The following RSPO2 variants were observed in gnomAD, a reference collection of about 807,000 sequenced individuals.
RSPO2 encodes R-spondin-2.
RSPO2 carries 14 observed loss-of-function variants against 30.9 expected under a neutral mutation model. The ratio of observed to expected loss-of-function variants is 0.45; its 90% CI spans 0.30 to 0.71. The LOEUF (loss-of-function observed/expected upper bound fraction) is 0.71, where lower values mean the gene tolerates loss of function less well. RSPO2 is among the 30% of genes least tolerant of loss of function. The pLI is 0.08. For missense variants in RSPO2, 264 were observed against 301.9 expected, an observed-to-expected ratio of 0.87 and a Z score of 0.93; for synonymous variants, 107 against 96.4, an observed-to-expected ratio of 1.11 and a Z score of -0.64.
At chr8:108,060,759 A>G (rs1282748918) in intron 2 of RSPO2, among the ~76,000 whole-genome samples, 1 of 149,780 alleles carries the variant, frequency 6.7e-6, no homozygotes, top group Non-Finnish European at 1.5e-5. Flanking sequence ...GAAATGAAGG[A>G]AAAAATGTTA....
Position 108,063,281 on chromosome 8 carries a change from G to A in RSPO2, c.94+19264C>T, listed in dbSNP as rs201604044. Among the ~76,000 whole-genome samples the A allele has an allele frequency of 7.3e-5, 11 of 151,660 alleles. 2 individuals carry two copies. The highest frequency in any genetic ancestry group is 1.7e-4 in the African/African-American group (7 of 41,064). On this transcript the variant is annotated intron_variant, in intron 2 of 5. Coordinates refer to ENST00000276659, the MANE Select transcript of RSPO2 (RefSeq NM_178565.5). ...TGACATGATTGTATATCTAGAAAACGCCATCTTCTCAGCCCAAAATCTCCT... is the reference window on the plus strand; with the variant it reads ...TGACATGATTGTATATCTAGAAAACACCATCTTCTCAGCCCAAAATCTCCT...
intron 2 of RSPO2, among the ~76,000 whole-genome samples, chr8:108,010,837 C>G (rs905016430): frequency 1.3e-5 from 2 of 152,068 alleles, no homozygotes; most frequent in Non-Finnish European, 2.9e-5. Flanking sequence ...CATTCATTAA[C>G]AAGACACAAG....
At chr8:107,988,520 AC>A in intron 3 of RSPO2, among the ~76,000 whole-genome samples, 1 of 152,180 alleles carries the variant, frequency 6.6e-6, no homozygotes, top group Middle Eastern at 3.4e-3. Flanking sequence ...AAAACTACTT[AC>A]ATAATCTAAA....
At chr8:107,965,588 C>T (rs1389275147) in intron 3 of RSPO2, among the ~76,000 whole-genome samples, 2 of 151,868 alleles carry the variant, frequency 1.3e-5, no homozygotes, top group Non-Finnish European at 2.9e-5. Context: ...AGAGGCATGT[C>T]TTGGGTACAT....
chr8:108,052,329 A>G (rs1331770075), intron 2 of RSPO2, among the ~76,000 whole-genome samples: 3 of 152,188 alleles, frequency 2.0e-5, no homozygotes, highest in Non-Finnish European at 4.4e-5. Context: ...GAGAAACTCA[A>G]ACTTACCTAT....
chr8:107,980,226 A>C (rs757601466), intron 3 of RSPO2, among the ~76,000 whole-genome samples: 49 of 148,888 alleles, frequency 3.3e-4, no homozygotes, highest in Middle Eastern at 3.5e-3. Flanking sequence ...ATTCCATTCC[A>C]TTTTTTTTTT....
At chr8:108,049,746 T>A (rs977354367) in intron 2 of RSPO2, among the ~76,000 whole-genome samples, 3 of 152,304 alleles carry the variant, frequency 2.0e-5, no homozygotes, top group Non-Finnish European at 4.4e-5. Context: ...TTCTTTTTTA[T>A]GGCTACATAG....
At chr8:108,070,892 A>G (rs1812825391) in intron 2 of RSPO2, among the ~76,000 whole-genome samples, 1 of 152,308 alleles carries the variant, frequency 6.6e-6, no homozygotes, top group African/African-American at 2.4e-5. Context: ...CCTCTTCATA[A>G]AATACTTTTT....
In RSPO2 at chr8:108,082,797, C is replaced by G. The variant is rs187852025; in HGVS notation, c.-159G>C. 1.7e-3 allele frequency: 1,006 copies of G among 581,864 alleles called. 11 individuals carry two copies. The highest frequency in any genetic ancestry group is 0.017 in the African/African-American group (901 of 52,868). The allele number at this position is 581,864 out of a possible 1,614,324, so 36.0% of individuals were successfully genotyped here. A position where few individuals can be genotyped will look rare whatever the true frequency, so the allele number is the denominator to read the frequency against. On this transcript the variant is annotated 5_prime_UTR_variant, in exon 2 of 6. Coordinates refer to ENST00000276659, the MANE Select transcript of RSPO2 (RefSeq NM_178565.5). Reference sequence around the variant, plus strand: ...TCAGTTCAGCGCGATCAGCATCTCTCCGCCACGAACCTGAGAGACAAGAAG... The same window carrying G: ...TCAGTTCAGCGCGATCAGCATCTCTGCGCCACGAACCTGAGAGACAAGAAG...
chr8:107,980,404 T>C (rs1586597724), intron 3 of RSPO2, among the ~76,000 whole-genome samples: 2 of 152,194 alleles, frequency 1.3e-5, no homozygotes, highest in Admixed American at 6.5e-5. Flanking sequence ...CAAGTGGCTG[T>C]TTTCACCAGG....
rs1023648455 is a variant in RSPO2, at chr8:107,901,181, G to A, written c.626C>T (p.Thr209Ile). ...TMRHCPGGKR[T>I]PKAKEKRNKK... ...GTTCCTCTTCTCCTTCGCCTTTGGT[G>A]TTCTCTTCCCTGCAATGAAGGAAAG... Residue 209 changes from threonine to isoleucine, a missense_variant, in exon 6 of 6, where the codon ACA becomes ATA. By Grantham distance (89) the Thr-to-Ile change is moderately conservative (BLOSUM62 -1). Transcript: ENST00000276659. The A allele has an allele frequency of 1.9e-6, 3 of 1,613,182 alleles. No homozygotes were observed. Among genetic ancestry groups the A allele is most frequent in the Admixed American group, 1.7e-5 (1 of 59,824 alleles).
chr8:108,000,454 T>C (rs1456952859), intron 2 of RSPO2, among the ~76,000 whole-genome samples: 1 of 152,068 alleles, frequency 6.6e-6, no homozygotes, highest in Non-Finnish European at 1.5e-5. Context: ...TGTGTATCAA[T>C]GGCAATGAAA....
intron 5 of RSPO2, among the ~76,000 whole-genome samples, chr8:107,952,134 C>T (rs1165547124): frequency 6.6e-6 from 1 of 152,072 alleles, no homozygotes; most frequent in African/African-American, 2.4e-5. Flanking sequence ...ACCCCTGACG[C>T]AGGAATTTCA....
intron 5 of RSPO2, among the ~76,000 whole-genome samples, chr8:107,923,406 G>C (rs2054154997): frequency 6.6e-6 from 1 of 152,090 alleles, no homozygotes; most frequent in South Asian, 2.1e-4. Context: ...TTACTAAAAG[G>C]TCAAAAAATA....
chr8:107,945,922 G>A (rs975798775), intron 5 of RSPO2, among the ~76,000 whole-genome samples: 9 of 152,112 alleles, frequency 5.9e-5, no homozygotes, highest in Non-Finnish European at 1.2e-4. Context: ...TTACACTGTC[G>A]ATGAGGTGAA....
chr8:107,966,512 T>C (rs1297708978), intron 3 of RSPO2, among the ~76,000 whole-genome samples: 1 of 151,978 alleles, frequency 6.6e-6, no homozygotes, highest in African/African-American at 2.4e-5. Context: ...ACAGTAGAGG[T>C]CAGGAAAACC....
intron 3 of RSPO2, among the ~76,000 whole-genome samples, chr8:107,984,269 T>C (rs1314356474): frequency 6.6e-6 from 1 of 152,254 alleles, no homozygotes; most frequent in East Asian, 1.9e-4. Flanking sequence ...AACAGTTATT[T>C]TTCTTATCTT....
chr8:107,949,998 G>GGT, intron 5 of RSPO2, among the ~76,000 whole-genome samples: 1 of 152,266 alleles, frequency 6.6e-6, no homozygotes, highest in East Asian at 1.9e-4. Flanking sequence ...ATGTGACATG[G>GGT]GTGGTGTGAC....
intron 3 of RSPO2, among the ~76,000 whole-genome samples, chr8:107,987,325 T>C (rs1477314885): frequency 1.3e-5 from 2 of 152,206 alleles, no homozygotes; most frequent in Non-Finnish European, 2.9e-5. Context: ...CTGCTAGAAT[T>C]ATCTTAAAGC....
Sources: allele counts gnomAD v4.1 joint callset (sites outside exome capture counted in the v4.1 genomes callset), GRCh38; gene constraint gnomAD v4.1.1; transcripts MANE v1.5; gene names NCBI Gene and HGNC (gene_info 2026-07-23, HGNC 2026-07-21).